Variants in NRF1 observed in about 807,000 individuals in gnomAD.
The protein encoded by NRF1 is nuclear respiratory factor 1.
Under a neutral mutation model 58.5 loss-of-function variants are expected in NRF1, and 5 were observed. The observed-to-expected ratio is 0.09, with a 90% CI of 0.04 to 0.18. The LOEUF is 0.18. NRF1 is among the 10% of genes least tolerant of loss of function. The pLI is 1.00. For missense variants in NRF1, 288 were observed against 657.7 expected (o/e 0.44, Z 6.15); for synonymous variants, 224 against 246.7 (o/e 0.91, Z 0.86).
chr7:129,653,700 T>C (rs1801589085), intron 1 of NRF1, among the ~76,000 whole-genome samples: 2 of 152,218 alleles, frequency 1.3e-5, no homozygotes, highest in Admixed American at 1.3e-4. Flanking sequence ...GTTTTGCTTT[T>C]CCAGAAGGCC....
intron 1 of NRF1, among the ~76,000 whole-genome samples, chr7:129,644,681 T>G (rs1801365769): frequency 6.6e-6 from 1 of 152,248 alleles, no homozygotes; most frequent in Non-Finnish European, 1.5e-5. Context: ...CAGACAGTGC[T>G]AATCCAGAAC....
intron 10 of NRF1, among the ~76,000 whole-genome samples, chr7:129,744,733 G>A (rs1171057728): frequency 3.9e-5 from 6 of 152,172 alleles, no homozygotes; most frequent in Admixed American, 3.9e-4. Flanking sequence ...TTTTTCAGGT[G>A]TCTCACTGCC....
At chr7:129,753,924 A>G (rs149168529) in intron 10 of NRF1, among the ~76,000 whole-genome samples, 1 of 152,324 alleles carries the variant, frequency 6.6e-6, no homozygotes, top group African/African-American at 2.4e-5. Flanking sequence ...TTTCAAGCTG[A>G]GAGAGACTTA....
In NRF1 at chr7:129,755,551, A is replaced by C. The variant is rs1424377646; in HGVS notation, c.*370A>C. ...ATATATAAAGTATATATATACATAT[A>C]TATATATATATATGTATGAAACCCG... On this transcript the variant is annotated 3_prime_UTR_variant, in exon 11 of 11. Transcript: ENST00000393232. The surrounding 1 kb of genome is among the most constrained non-coding windows in gnomAD (Gnocchi z 5.8). 2.6e-5 allele frequency: 1 copy of C among 38,446 alleles called. No individual in the cohort carries two copies. Among genetic ancestry groups the C allele is most frequent in the Non-Finnish European group, 6.3e-5 (1 of 15,842 alleles). 2.4% of individuals were successfully genotyped at this position (38,446 alleles called of 1,614,324 possible).
intron 8 of NRF1, among the ~76,000 whole-genome samples, chr7:129,714,786 A>C (rs1385985717): frequency 6.6e-6 from 1 of 152,222 alleles, no homozygotes; most frequent in Non-Finnish European, 1.5e-5. Flanking sequence ...CATTATCATA[A>C]TCTAAGTATG....
intron 1 of NRF1, among the ~76,000 whole-genome samples, chr7:129,631,103 G>A (rs1056804428): frequency 1.3e-5 from 2 of 152,076 alleles, no homozygotes; most frequent in Non-Finnish European, 2.9e-5. Context: ...CTTTATGTGG[G>A]ACATTTTCAT....
intron 10 of NRF1, among the ~76,000 whole-genome samples, chr7:129,745,006 A>G (rs950821465): frequency 6.7e-6 from 1 of 148,532 alleles, no homozygotes; most frequent in Non-Finnish European, 1.5e-5. Flanking sequence ...GTTTGAAGAA[A>G]AAAAAAAGTT....
At chr7:129,619,431 T>TACAC (rs1188708134) in intron 1 of NRF1, among the ~76,000 whole-genome samples, 232 of 71,398 alleles carry the variant, frequency 3.2e-3, no homozygotes, top group Non-Finnish European at 4.3e-3. Context: ...TATATATATA[T>TACAC]ATACACACAC....
Position 129,748,542 on chromosome 7 carries a change from A to C in NRF1, c.1349-6476A>C, listed in dbSNP as rs181792929. On this transcript the variant is annotated intron_variant, in intron 10 of 10. Coordinates refer to ENST00000393232, the MANE Select transcript of NRF1 (RefSeq NM_005011.5). The stretch of plus-strand genomic sequence containing the variant: ...GAGAGACCTGCCTGAGGAAGTTCAC[A>C]TGGCATCCAAGGGACACATGTGATT... Among the ~76,000 whole-genome samples, 1,001 of 152,332 alleles carry C rather than the reference A, an allele frequency of 6.6e-3. 15 individuals carry two copies. Among genetic ancestry groups the C allele is most frequent in the African/African-American group, 0.023 (966 of 41,576 alleles).
intron 1 of NRF1, among the ~76,000 whole-genome samples, chr7:129,630,990 G>A (rs2151061640): frequency 6.6e-6 from 1 of 152,196 alleles, no homozygotes; most frequent in East Asian, 1.9e-4. Context: ...CTGAGGACCA[G>A]TAAATGAAAC....
chr7:129,699,077 C>T (rs1349261862), intron 5 of NRF1, among the ~76,000 whole-genome samples: 1 of 152,124 alleles, frequency 6.6e-6, no homozygotes, highest in Non-Finnish European at 1.5e-5. Context: ...ACTTACTGCC[C>T]TCCTCTTACT....
At chr7:129,619,159 A>G (rs1196772609) in intron 1 of NRF1, among the ~76,000 whole-genome samples, 1 of 151,828 alleles carries the variant, frequency 6.6e-6, no homozygotes, top group African/African-American at 2.4e-5. Context: ...AAGTAAGTTG[A>G]GAAAGAATGG....
At chr7:129,677,591 C>T (rs1459962077) in intron 3 of NRF1, 41 bp from the exon 4 acceptor site, 1 of 1,605,736 alleles carries the variant, frequency 6.2e-7, no homozygotes, top group Non-Finnish European at 8.5e-7. Flanking sequence ...TAATTTCCGT[C>T]TTTTTAAAAC....
At chr7:129,629,300 T>C (rs1800994867) in intron 1 of NRF1, among the ~76,000 whole-genome samples, 1 of 139,002 alleles carries the variant, frequency 7.2e-6, no homozygotes, top group East Asian at 2.2e-4. Flanking sequence ...TTTCCTGAGA[T>C]GGAGTCTTGC....
At chr7:129,729,422 T>A (rs1803528269) in intron 10 of NRF1, among the ~76,000 whole-genome samples, 1 of 152,254 alleles carries the variant, frequency 6.6e-6, no homozygotes, top group Admixed American at 6.5e-5. Flanking sequence ...CTGGTTCGCA[T>A]CCTAAAAGCC....
intron 1 of NRF1, among the ~76,000 whole-genome samples, chr7:129,625,782 C>T (rs1206334540): frequency 6.8e-5 from 10 of 147,402 alleles, no homozygotes; most frequent in South Asian, 6.5e-4. Flanking sequence ...CCCGGGTTCA[C>T]GCCATTCTCC....
In NRF1 at chr7:129,710,253, A is replaced by G. The variant is rs1803043840; in HGVS notation, c.766-121A>G. On this transcript the variant is annotated intron_variant, in intron 6 of 10. Transcript: ENST00000393232. ...AGTCTGTGGGAGGTAATCCTAGGAG[A>G]GTCTAATAAGAGGTTTGGTTTGGTT... 5.0e-6 allele frequency: 4 copies of G among 797,928 alleles called. No homozygotes were observed. The African/African-American group carries it at 5.1e-5, about 10-fold the overall frequency. 49.4% of individuals were successfully genotyped at this position (797,928 alleles called of 1,614,324 possible). A position where few individuals can be genotyped will look rare whatever the true frequency, so the allele number is the denominator to read the frequency against.
intron 9 of NRF1, among the ~76,000 whole-genome samples, chr7:129,718,245 G>A (rs564632460): frequency 1.3e-5 from 2 of 152,286 alleles, no homozygotes; most frequent in South Asian, 4.1e-4. Flanking sequence ...GGTCAAGAGT[G>A]TGAGCCTTGA....
intron 1 of NRF1, chr7:129,630,314 A>G (rs1584588473): frequency 1.3e-5 from 2 of 152,230 alleles, no homozygotes; most frequent in Admixed American, 1.3e-4. Flanking sequence ...ATATAAGGTG[A>G]TAGTACTTAC....
Sources: gnomAD v4.1 joint callset for allele counts (sites outside exome capture counted in the v4.1 genomes callset) on GRCh38, gnomAD v4.1.1 for gene constraint, Gnocchi (gnomAD v3.1) non-coding constraint, MANE v1.5 for transcripts, NCBI Gene and HGNC (gene_info 2026-07-23, HGNC 2026-07-21) for gene names.